ATG7: variants seen among roughly 807,000 people sequenced by gnomAD.
The protein encoded by ATG7 is ubiquitin-like modifier-activating enzyme ATG7.
In ATG7, 70 loss-of-function variants were observed where a neutral mutation model predicts 82.4. The observed-to-expected ratio is 0.85, with a 90% CI of 0.70 to 1.04. The LOEUF (loss-of-function observed/expected upper bound fraction) is 1.04, where lower values mean the gene tolerates loss of function less well. ATG7 is among the 50% of genes least tolerant of loss of function. The probability of loss-of-function intolerance (pLI) is 0.00; values close to 1 mark genes in which losing one functional copy is unlikely to be tolerated. For synonymous variants in ATG7, 287 were observed against 313.0 expected (o/e 0.92, Z 0.88); for missense variants, 792 against 864.3 (o/e 0.92, Z 1.05).
At chr3:11,495,712 A>G (rs1252479314) in intron 20 of ATG7, among the ~76,000 whole-genome samples, 2 of 152,240 alleles carry the variant, frequency 1.3e-5, no homozygotes, top group Non-Finnish European at 2.9e-5. Context: ...ACTGATGGCC[A>G]TCATTCTAAC....
At chr3:11,410,135 C>T (rs995456559) in intron 19 of ATG7, among the ~76,000 whole-genome samples, 8 of 152,142 alleles carry the variant, frequency 5.3e-5, no homozygotes, top group Admixed American at 5.2e-4. Flanking sequence ...ATTGCATTGA[C>T]TCTATAGGTC....
intron 20 of ATG7, among the ~76,000 whole-genome samples, chr3:11,451,841 CTCTCTCTA>C (rs2085189752): frequency 6.7e-6 from 1 of 149,740 alleles, no homozygotes; most frequent in African/African-American, 2.5e-5. Flanking sequence ...CTCTCTATCT[CTCTCTCTA>C]TATATATATA....
chr3:11,521,844 G>T (rs1176175481), intron 20 of ATG7, among the ~76,000 whole-genome samples: 1 of 151,778 alleles, frequency 6.6e-6, no homozygotes, highest in Non-Finnish European at 1.5e-5. Context: ...GAGCCACCAC[G>T]CCCGGCCCCA....
chr3:11,481,500 G>T (rs538725073), intron 20 of ATG7, among the ~76,000 whole-genome samples: 3 of 152,144 alleles, frequency 2.0e-5, no homozygotes, highest in African/African-American at 7.2e-5. Flanking sequence ...ACGTGCAGGT[G>T]CTGAGGTCAT....
intron 20 of ATG7, among the ~76,000 whole-genome samples, chr3:11,546,162 ATTTTTTTTTTTTTTT>A (rs36042370): frequency 1.0e-4 from 7 of 68,892 alleles, no homozygotes; most frequent in African/African-American, 4.1e-4. Flanking sequence ...CCAAAACTGG[ATTTTTTTTTTTTTTT>A]TTTTTTTTTT....
chr3:11,491,451 A>G (rs1360561927), intron 20 of ATG7, among the ~76,000 whole-genome samples: 1 of 152,072 alleles, frequency 6.6e-6, no homozygotes, highest in African/African-American at 2.4e-5. Flanking sequence ...TTTGATCGTC[A>G]GAAGCCTTCT....
At chr3:11,536,298 G>GTTGGTCCACTTAACCT (rs1057187028) in intron 20 of ATG7, among the ~76,000 whole-genome samples, 6 of 152,340 alleles carry the variant, frequency 3.9e-5, no homozygotes, top group African/African-American at 1.2e-4. Context: ...CAGCGCTGAG[G>GTTGGTCCACTTAACCT]TTGGTCCACT....
chr3:11,518,194 A>G (rs964005497), intron 20 of ATG7, among the ~76,000 whole-genome samples: 2 of 152,066 alleles, frequency 1.3e-5, no homozygotes, highest in African/African-American at 4.8e-5. Context: ...TAGAGCTAGA[A>G]AGTTAATTAG....
In ATG7 at chr3:11,358,588, C is replaced by T. The variant is rs142674226; in HGVS notation, c.1455C>T (p.Ala485=). The change falls in exon 15 of 21, where the codon GCC becomes GCT. Residue 485 remains alanine (A), a synonymous_variant. Transcript: ENST00000693202. ...MDTRESRWLP[A]VIAASKRKLV... is the part of the protein sequence containing the mutation. ...CCAGGGAGAGCCGGTGGCTTCCTGCCGTCATTGCTGCAAGCAAGAGAAAGG... is the reference window on the plus strand; with the variant it reads ...CCAGGGAGAGCCGGTGGCTTCCTGCTGTCATTGCTGCAAGCAAGAGAAAGG... 84 of 1,613,280 alleles carry T rather than the reference C, an allele frequency of 5.2e-5. No individual in the cohort carries two copies. The highest frequency in any genetic ancestry group is 6.9e-5 in the Non-Finnish European group (81 of 1,179,896).
chr3:11,397,957 G>T (rs2079462058), intron 19 of ATG7, among the ~76,000 whole-genome samples: 2 of 151,434 alleles, frequency 1.3e-5, no homozygotes, highest in South Asian at 4.2e-4. Context: ...GGTGGCACAT[G>T]CCTGTAGTCC....
intron 19 of ATG7, among the ~76,000 whole-genome samples, chr3:11,409,364 G>A (rs1198397318): frequency 6.6e-6 from 1 of 152,172 alleles, no homozygotes; most frequent in Non-Finnish European, 1.5e-5. Flanking sequence ...TCAACCACAC[G>A]ATCGTGAGGG....
intron 20 of ATG7, among the ~76,000 whole-genome samples, chr3:11,526,745 T>G (rs1248904702): frequency 1.3e-5 from 2 of 152,306 alleles, no homozygotes; most frequent in East Asian, 3.9e-4. Flanking sequence ...TTTACTGCAT[T>G]CACTAAGGCT....
chr3:11,318,110 A>G (rs751667963), intron 9 of ATG7, among the ~76,000 whole-genome samples: 5 of 152,150 alleles, frequency 3.3e-5, no homozygotes, highest in Non-Finnish European at 7.4e-5. Flanking sequence ...AAAGACAACA[A>G]ATCTCTGGGG....
Position 11,353,944 on chromosome 3 carries a change from T to C in ATG7, c.1285-4474T>C, listed in dbSNP as rs1237144516. Among the ~76,000 whole-genome samples the C allele has an allele frequency of 3.3e-5, 5 of 152,234 alleles. No homozygotes were observed. The East Asian group carries it at 9.6e-4, about 29-fold the overall frequency. ...AGGTCATGAGCACCCTTTACCCTGC[T>C]TCTTCTGGGTGACAGACTTCAAGGA... On this transcript the variant is annotated intron_variant, in intron 14 of 20. Coordinates refer to ENST00000693202, the MANE Select transcript of ATG7 (RefSeq NM_001349232.2).
At chr3:11,504,560 C>T (rs991633234) in intron 20 of ATG7, among the ~76,000 whole-genome samples, 1 of 152,218 alleles carries the variant, frequency 6.6e-6, no homozygotes. Context: ...ATGACTAGAA[C>T]AGACTGGATC....
intron 20 of ATG7, among the ~76,000 whole-genome samples, chr3:11,484,774 A>G (rs373697077): frequency 3.9e-5 from 6 of 152,072 alleles, no homozygotes; most frequent in African/African-American, 1.4e-4. Flanking sequence ...ATTCCCACCT[A>G]TGAGTGAGAA....
chr3:11,365,964 A>G (rs1238943199), intron 18 of ATG7, among the ~76,000 whole-genome samples: 1 of 152,128 alleles, frequency 6.6e-6, no homozygotes, highest in Non-Finnish European at 1.5e-5. Context: ...TCATGCCTGT[A>G]ATTCCAGCAC....
intron 20 of ATG7, among the ~76,000 whole-genome samples, chr3:11,497,435 A>T (rs1182261369): frequency 2.3e-5 from 3 of 129,416 alleles, no homozygotes; most frequent in African/African-American, 8.7e-5. Context: ...CCAGCTACTC[A>T]GGAGGCAGGA....
intron 20 of ATG7, among the ~76,000 whole-genome samples, chr3:11,548,319 A>G (rs971774872): frequency 1.3e-5 from 2 of 152,020 alleles, no homozygotes; most frequent in Non-Finnish European, 2.9e-5. Flanking sequence ...ATGTGCAATT[A>G]TTTTCTCTCA....
Sources: gnomAD v4.1 joint callset for allele counts (sites outside exome capture counted in the v4.1 genomes callset) on GRCh38, gnomAD v4.1.1 for gene constraint, MANE v1.5 for transcripts, NCBI Gene and HGNC (gene_info 2026-07-23, HGNC 2026-07-21) for gene names.